Variants in PBX1 observed in about 807,000 individuals in gnomAD.
PBX1 encodes the protein PBX homeobox 1, also known as pre-B-cell leukemia transcription factor 1.
In PBX1, 6 loss-of-function variants were observed where a neutral mutation model predicts 53.4. That is an observed-to-expected ratio of 0.11 (90% confidence interval 0.06 to 0.22). The LOEUF (loss-of-function observed/expected upper bound fraction) is 0.22, where lower values mean the gene tolerates loss of function less well. PBX1 is among the 10% of genes least tolerant of loss of function. The pLI is 1.00. For synonymous variants in PBX1, 204 were observed against 212.3 expected (o/e 0.96, Z 0.34); for missense variants, 251 against 551.4 (o/e 0.46, Z 5.46).
intron 2 of PBX1, among the ~76,000 whole-genome samples, chr1:164,565,746 G>GAGCTTTTT (rs1653389069): frequency 6.7e-6 from 1 of 149,548 alleles, no homozygotes; most frequent in African/African-American, 2.5e-5. Context: ...AAAGTTGCAG[G>GAGCTTTTT]AGCTTTTTTT....
intron 8 of PBX1, among the ~76,000 whole-genome samples, chr1:164,846,261 C>G (rs1472957063): frequency 6.6e-6 from 1 of 152,176 alleles, no homozygotes; most frequent in Non-Finnish European, 1.5e-5. Context: ...AGAGCCAGAA[C>G]CAAAACTTGA....
In PBX1 at chr1:164,638,391, G is replaced by C. The variant is rs182481846; in HGVS notation, c.265+75080G>C. Reference sequence around the variant, plus strand: ...TTTCCAAACTGCCTAGGGCTGAGCAGGGATTCTTACATAGCATTCCTCAGT... The same window carrying C: ...TTTCCAAACTGCCTAGGGCTGAGCACGGATTCTTACATAGCATTCCTCAGT... On this transcript the variant is annotated intron_variant, in intron 2 of 8. Coordinates refer to ENST00000420696, the MANE Select transcript of PBX1 (RefSeq NM_002585.4). Among the ~76,000 whole-genome samples the C allele has an allele frequency of 2.1e-3, 317 of 152,348 alleles. 1 individual carries two copies. Among genetic ancestry groups the C allele is most frequent in the African/African-American group, 7.4e-3 (306 of 41,590 alleles).
At chr1:164,777,443 C>T (rs186758383) in intron 2 of PBX1, among the ~76,000 whole-genome samples, 16 of 152,252 alleles carry the variant, frequency 1.1e-4, no homozygotes, top group African/African-American at 3.6e-4. Flanking sequence ...AACAAAATCT[C>T]AGGAGGTTTT....
At chr1:164,572,438 G>A (rs924281517) in intron 2 of PBX1, among the ~76,000 whole-genome samples, 6 of 152,174 alleles carry the variant, frequency 3.9e-5, no homozygotes, top group African/African-American at 1.4e-4. Flanking sequence ...CAGGATTTAT[G>A]TGAAATCTCT....
chr1:164,651,249 G>A (rs1659795479), intron 2 of PBX1, among the ~76,000 whole-genome samples: 2 of 147,934 alleles, frequency 1.4e-5, no homozygotes, highest in South Asian at 4.2e-4. Flanking sequence ...GGGTGGTGGA[G>A]GCTGTGCAGG....
chr1:164,855,351 G>T (rs1671956020), downstream of PBX1, among the ~76,000 whole-genome samples: 1 of 152,166 alleles, frequency 6.6e-6, no homozygotes, highest in Non-Finnish European at 1.5e-5. Context: ...TCACTCCATT[G>T]CCAGAAGTAA....
chr1:164,563,132 T>C lies in PBX1; in HGVS notation c.192-106T>C, dbSNP rs967180657. On this transcript the variant is annotated intron_variant, in intron 1 of 8. Coordinates refer to ENST00000420696, the MANE Select transcript of PBX1 (RefSeq NM_002585.4). ...CTGAAGCATGCCACAGAGTTAGGGT[T>C]GGGTATATAATTTTGTCTAAATGTT... is the stretch of plus-strand genomic sequence containing the variant. The C allele has an allele frequency of 2.4e-5, 17 of 701,930 alleles. No individual in the cohort carries two copies. The African/African-American group carries it at 2.5e-4, about 10-fold the overall frequency. The allele number at this position is 701,930 out of a possible 1,614,324, so 43.5% of individuals were successfully genotyped here.
At chr1:164,866,762 T>C (rs1482628819) in intron 2 of PBX1, among the ~76,000 whole-genome samples, 1 of 152,200 alleles carries the variant, frequency 6.6e-6, no homozygotes, top group Non-Finnish European at 1.5e-5. Context: ...AACTATACTT[T>C]GAAGAATCAT....
At chr1:164,712,607 C>T (rs1663861144) in intron 2 of PBX1, among the ~76,000 whole-genome samples, 1 of 152,116 alleles carries the variant, frequency 6.6e-6, no homozygotes, top group African/African-American at 2.4e-5. Flanking sequence ...ATGTGTGCCC[C>T]CTTGGGGGTC....
At chr1:164,580,527 G>A (rs931723689) in intron 2 of PBX1, among the ~76,000 whole-genome samples, 7 of 148,672 alleles carry the variant, frequency 4.7e-5, no homozygotes, top group South Asian at 4.4e-4. Context: ...TGATCCACCT[G>A]CCTCGGCCTC....
chr1:164,864,768 G>C (rs1481838688), intron 2 of PBX1, among the ~76,000 whole-genome samples: 1 of 152,204 alleles, frequency 6.6e-6, no homozygotes, highest in Admixed American at 6.5e-5. Context: ...AGAAATGTAT[G>C]CTCAGAAGGC....
At chr1:164,590,799 A>C (rs1655318126) in intron 2 of PBX1, among the ~76,000 whole-genome samples, 1 of 152,066 alleles carries the variant, frequency 6.6e-6, no homozygotes, top group Non-Finnish European at 1.5e-5. Context: ...GGATATTAAA[A>C]AAAAAATCTC....
chr1:164,628,387 C>T (rs1430237258), intron 2 of PBX1, among the ~76,000 whole-genome samples: 2 of 152,186 alleles, frequency 1.3e-5, no homozygotes, highest in African/African-American at 4.8e-5. Flanking sequence ...CGAACAGTCA[C>T]CTTGACAATC....
In PBX1 at chr1:164,849,015, G is replaced by C; in HGVS notation, c.*2339G>C. 8.5e-7 allele frequency: 1 copy of C among 1,172,976 alleles called. No homozygotes were observed. The highest frequency in any genetic ancestry group is 3.5e-4 in the Middle Eastern group (1 of 2,894). 72.7% of individuals were successfully genotyped at this position (1,172,976 alleles called of 1,614,324 possible). A position where few individuals can be genotyped will look rare whatever the true frequency, so the allele number is the denominator to read the frequency against. On this transcript the variant is annotated 3_prime_UTR_variant, in exon 9 of 9. Transcript: ENST00000420696. ...ACAGATGCCTAGAAGGAGCATTTTT[G>C]TGACAACTTCATAGTGATTAGAATC...
In PBX1 at chr1:164,762,125, C is replaced by T. The variant is rs1462143465; in HGVS notation, c.266-30369C>T. 2.6e-5 allele frequency among the ~76,000 whole-genome samples: 4 copies of T among 152,250 alleles called. No individual in the cohort carries two copies. In the East Asian group the frequency reaches 5.8e-4, roughly 22 times the overall value. On this transcript the variant is annotated intron_variant, in intron 2 of 8. Coordinates refer to ENST00000420696, the MANE Select transcript of PBX1 (RefSeq NM_002585.4). ...CATTGTTTCACCCTTATTTTGATGACCTGCCCTTGTAAAGTTAAATAGAAT... is the reference window on the plus strand; with the variant it reads ...CATTGTTTCACCCTTATTTTGATGATCTGCCCTTGTAAAGTTAAATAGAAT...
At chr1:164,689,037 T>C (rs1269587800) in intron 2 of PBX1, among the ~76,000 whole-genome samples, 1 of 152,208 alleles carries the variant, frequency 6.6e-6, no homozygotes, top group Non-Finnish European at 1.5e-5. Context: ...GCAACGACCT[T>C]CCTCCAGGGC....
intron 2 of PBX1, among the ~76,000 whole-genome samples, chr1:164,673,454 A>T (rs1661224216): frequency 1.3e-5 from 2 of 148,292 alleles, no homozygotes; most frequent in Admixed American, 1.3e-4. Flanking sequence ...TTTCTTCTGG[A>T]AAATTACTAA....
At chr1:164,876,340 C>T (rs796926941) in intron 2 of PBX1, among the ~76,000 whole-genome samples, 2 of 151,540 alleles carry the variant, frequency 1.3e-5, no homozygotes, top group African/African-American at 4.8e-5. Context: ...GTCTCCTCTG[C>T]TAGGAGGCCG....
intron 8 of PBX1, among the ~76,000 whole-genome samples, chr1:164,827,368 C>T (rs1490130184): frequency 6.6e-6 from 1 of 152,132 alleles, no homozygotes; most frequent in Non-Finnish European, 1.5e-5. Context: ...AGATGTGCCC[C>T]CCAGTTGGTT....
Sources: gnomAD v4.1 joint callset for allele counts (sites outside exome capture counted in the v4.1 genomes callset) on GRCh38, gnomAD v4.1.1 for gene constraint, MANE v1.5 for transcripts, NCBI Gene and HGNC (gene_info 2026-07-23, HGNC 2026-07-21) for gene names.